RBFOX3: variants seen among roughly 807,000 people sequenced by gnomAD.
RBFOX3 encodes the protein RNA binding fox-1 homolog 3.
Under a neutral mutation model 48.7 loss-of-function variants are expected in RBFOX3, and 17 were observed. That is an observed-to-expected ratio of 0.35 (90% CI 0.24 to 0.52). The LOEUF is 0.52. RBFOX3 is among the 20% of genes least tolerant of loss of function. The probability of loss-of-function intolerance (pLI) is 0.94; values close to 1 mark genes in which losing one functional copy is unlikely to be tolerated. For missense variants in RBFOX3, 382 were observed against 497.5 expected, an observed-to-expected ratio of 0.77 and a Z score of 2.21; for synonymous variants, 212 against 209.5, an observed-to-expected ratio of 1.01 and a Z score of -0.10.
intron 1 of RBFOX3, among the ~76,000 whole-genome samples, chr17:79,529,439 A>G (rs1599052224): frequency 6.6e-6 from 1 of 152,212 alleles, no homozygotes; most frequent in African/African-American, 2.4e-5. Context: ...TGCATGGCTC[A>G]CAGCAGACAG....
intron 1 of RBFOX3, among the ~76,000 whole-genome samples, chr17:79,590,826 G>T (rs1178018148): frequency 6.6e-6 from 1 of 152,190 alleles, no homozygotes; most frequent in African/African-American, 2.4e-5. Flanking sequence ...TGGGGTAAGA[G>T]TTCTCATCAC....
Position 79,427,334 on chromosome 17 carries a change from C to A in RBFOX3, c.-175+55120G>T, listed in dbSNP as rs181477601. Among the ~76,000 whole-genome samples, 396 of 152,294 alleles carry A rather than the reference C, an allele frequency of 2.6e-3. 3 individuals are homozygous for A. Among genetic ancestry groups the A allele is most frequent in the African/African-American group, 9.1e-3 (378 of 41,576 alleles). On this transcript the variant is annotated intron_variant, in intron 2 of 14. Transcript: ENST00000693108. ...GAGGCTCTAAGGTCCTGGGAGATGT[C>A]CTTTGACCCTGTTGGTAGAAAGGTC...
the RBFOX3 span, among the ~76,000 whole-genome samples, chr17:79,656,767 AAG>A: frequency 0.2 from 18,319 of 92,370 alleles, 2,760 homozygotes; most frequent in Non-Finnish European, 0.24. Context: ...GGAAGGAAGG[AAG>A]GAAGGAAGGA....
At position 79,440,998 on chromosome 17, in the gene RBFOX3, T is replaced by G. The variant is rs148852458; in HGVS notation, c.-175+41456A>C. 2.3e-3 allele frequency among the ~76,000 whole-genome samples: 349 copies of G among 152,346 alleles called. 1 individual carries two copies. Among genetic ancestry groups the G allele is most frequent in the Non-Finnish European group, 4.1e-3 (282 of 68,028 alleles). On this transcript the variant is annotated intron_variant, in intron 2 of 14. Coordinates refer to ENST00000693108, the MANE Select transcript of RBFOX3 (RefSeq NM_001350451.2). The stretch of plus-strand genomic sequence containing the variant: ...CAGGCTGGAAATGTCCCGCCAGAGC[T>G]GGCTTGGGCCCAGGGGCAGCTTTGC...
At chr17:79,155,114 C>T (rs1457358358) in intron 4 of RBFOX3, among the ~76,000 whole-genome samples, 5 of 152,258 alleles carry the variant, frequency 3.3e-5, no homozygotes, top group Admixed American at 2.6e-4. Flanking sequence ...CCCGGGGCAG[C>T]AGCAGCTCCC....
At chr17:79,468,872 TAGAC>T (rs1333092212) in intron 2 of RBFOX3, among the ~76,000 whole-genome samples, 3 of 142,256 alleles carry the variant, frequency 2.1e-5, no homozygotes, top group Non-Finnish European at 3.0e-5. Flanking sequence ...GGCAGGCAGA[TAGAC>T]AGGAGGATGG....
intron 2 of RBFOX3, among the ~76,000 whole-genome samples, chr17:79,457,077 C>G (rs11656980): frequency 0.18 from 26,934 of 152,204 alleles, 2,446 homozygotes; most frequent in Middle Eastern, 0.22. Flanking sequence ...CAGGTGTAGA[C>G]AGGCAGGGTG....
At chr17:79,300,911 C>T (rs529946642) in intron 3 of RBFOX3, among the ~76,000 whole-genome samples, 64 of 152,252 alleles carry the variant, frequency 4.2e-4, no homozygotes, top group African/African-American at 1.5e-3. Flanking sequence ...CTTAGGTGGC[C>T]ACAAAGCTTT....
chr17:79,387,649 C>G (rs2060743965), intron 2 of RBFOX3, among the ~76,000 whole-genome samples: 1 of 152,240 alleles, frequency 6.6e-6, no homozygotes, highest in Non-Finnish European at 1.5e-5. Context: ...TCACCACTGC[C>G]TATGTGCCAT....
At chr17:79,114,804 T>A (rs2033359211) in intron 5 of RBFOX3, among the ~76,000 whole-genome samples, 1 of 151,572 alleles carries the variant, frequency 6.6e-6, no homozygotes, top group Non-Finnish European at 1.5e-5. Flanking sequence ...ACAAAAGGAA[T>A]AGGCCGGCTG....
At chr17:79,621,383 G>A in the RBFOX3 span, among the ~76,000 whole-genome samples, 1 of 152,198 alleles carries the variant, frequency 6.6e-6, no homozygotes, top group Non-Finnish European at 1.5e-5. Context: ...GAGCAGGAAT[G>A]GAGCCCTGAG....
intron 4 of RBFOX3, among the ~76,000 whole-genome samples, chr17:79,162,667 T>G (rs557534193): frequency 6.6e-6 from 1 of 152,142 alleles, no homozygotes; most frequent in Admixed American, 6.5e-5. Context: ...CTGTGGAAAA[T>G]TGACCCCTCG....
intron 2 of RBFOX3, among the ~76,000 whole-genome samples, chr17:79,453,043 G>A (rs12450242): frequency 0.2 from 30,771 of 152,230 alleles, 3,170 homozygotes; most frequent in Admixed American, 0.24. Flanking sequence ...GGGGGTGATC[G>A]CAGGGCCTCC....
rs1382275947 is a variant in RBFOX3 at position 79,254,921 on chromosome 17, A to G, written c.-73-19116T>C. Among the ~76,000 whole-genome samples the G allele has an allele frequency of 1.3e-5, 2 of 151,804 alleles. No homozygotes were observed. The highest frequency in any genetic ancestry group is 4.8e-5 in the African/African-American group (2 of 41,286). On this transcript the variant is annotated intron_variant, in intron 3 of 14. Coordinates refer to ENST00000693108, the MANE Select transcript of RBFOX3 (RefSeq NM_001350451.2). This position sits in a 1 kb window ranked among gnomAD's most constrained non-coding sequence, Gnocchi z 4.8. ...CATGCTGGGATTGGCAACACCCCAG[A>G]CTCTTGCTCTAGGTAGGGCCTGGGG... is the stretch of plus-strand genomic sequence containing the variant.
At chr17:79,094,329 C>G in intron 14 of RBFOX3, 122 bp downstream of exon 14, 1 of 656,424 alleles carries the variant, frequency 1.5e-6, no homozygotes, top group Middle Eastern at 3.3e-4. Flanking sequence ...GGCCGTGGTC[C>G]TTCCAAAGTC....
In RBFOX3 at chr17:79,443,141, C is replaced by T. The variant is rs2071496936; in HGVS notation, c.-175+39313G>A. 6.6e-6 allele frequency among the ~76,000 whole-genome samples: 1 copy of T among 152,202 alleles called. No homozygotes were observed. Among genetic ancestry groups the T allele is most frequent in the African/African-American group, 2.4e-5 (1 of 41,456 alleles). On this transcript the variant is annotated intron_variant, in intron 2 of 14. Transcript: ENST00000693108. This position sits in a 1 kb window ranked among gnomAD's most constrained non-coding sequence, Gnocchi z 4.4. ...AACCGGAGCTCAGCCTCCCATGTCG[C>T]CTCCCCAACCAGCCACCTGGGAACC...
At chr17:79,202,230 A>G (rs1396253690) in intron 4 of RBFOX3, among the ~76,000 whole-genome samples, 1 of 152,098 alleles carries the variant, frequency 6.6e-6, no homozygotes, top group African/African-American at 2.4e-5. Context: ...CCGCTGTATC[A>G]TCTACAGGGG....
At position 79,242,972 on chromosome 17, in the gene RBFOX3, CG is replaced by C. The variant is rs2062610353; in HGVS notation, c.-73-7168del. Among the ~76,000 whole-genome samples, 1 of 152,152 alleles carries C rather than the reference CG, an allele frequency of 6.6e-6. No homozygotes were observed. The highest frequency in any genetic ancestry group is 2.1e-4 in the South Asian group (1 of 4,822). On this transcript the variant is annotated intron_variant, in intron 3 of 14. Coordinates refer to ENST00000693108, the MANE Select transcript of RBFOX3 (RefSeq NM_001350451.2). This position sits in a 1 kb window ranked among gnomAD's most constrained non-coding sequence, Gnocchi z 5.8. ...CCTGCGTGGACACTGCTGTGGGCCC[CG>C]TGACAGCAGCATGCATGCCTAGCAC... is the stretch of plus-strand genomic sequence containing the variant.
In RBFOX3 at chr17:79,244,167, G is replaced by A. The variant is rs185561681; in HGVS notation, c.-73-8362C>T. On this transcript the variant is annotated intron_variant, in intron 3 of 14. Coordinates refer to ENST00000693108, the MANE Select transcript of RBFOX3 (RefSeq NM_001350451.2). ...ATGAGGTCATAGTGGAACAGACTGG[G>A]CCCTACATCCAATGCCCGGGGTCCT... 8.9e-3 allele frequency among the ~76,000 whole-genome samples: 1,356 copies of A among 152,284 alleles called. 14 individuals carry two copies. Among genetic ancestry groups the A allele is most frequent in the Admixed American group, 0.01 (154 of 15,294 alleles).
Sources: gnomAD v4.1 joint callset for allele counts (sites outside exome capture counted in the v4.1 genomes callset) on GRCh38, gnomAD v4.1.1 for gene constraint, Gnocchi (gnomAD v3.1) non-coding constraint, MANE v1.5 for transcripts, NCBI Gene and HGNC (gene_info 2026-07-23, HGNC 2026-07-21) for gene names.